The following NADK variants were observed in gnomAD, a reference collection of about 807,000 sequenced individuals.
NADK encodes NAD kinase, also known as poly(P)/ATP NAD kinase.
Under a neutral mutation model 49.8 loss-of-function variants are expected in NADK, and 22 were observed. The ratio of observed to expected loss-of-function variants is 0.44; its 90% CI spans 0.32 to 0.63. The LOEUF is 0.63. Ranked by LOEUF, NADK falls within the 30% of genes least tolerant of loss-of-function variation. NADK has a pLI of 0.06. For missense variants in NADK, 438 were observed against 609.4 expected (o/e 0.72, Z 2.96); for synonymous variants, 268 against 253.7 (o/e 1.06, Z -0.54).
chr1:1,757,183 C>T lies in NADK; in HGVS notation c.391G>A (p.Glu131Lys), dbSNP rs1378142023. The T allele has an allele frequency of 1.2e-6, 2 of 1,609,574 alleles. No individual in the cohort carries two copies. Among genetic ancestry groups the T allele is most frequent in the Non-Finnish European group, 8.5e-7 (1 of 1,177,484 alleles). Reference protein sequence around the residue: ...PFKELCTHLMEENMIVYVEKK... With the variant: ...PFKELCTHLMKENMIVYVEKK... ...CCCTTCCCCCCTGCCCCGCGTGCCT[C>T]CATGAGGTGCGTGCAGAGCTCCTTG... Residue 131 changes from glutamate to lysine, a missense_variant and splice_region_variant, in exon 4 of 12, where the codon GAG becomes AAG. Glu to Lys is a moderately conservative substitution (Grantham distance 56, BLOSUM62 1). Transcript: ENST00000341426.
chr1:1,757,148 A>ACACCCCC, intron 4 of NADK, 33 bp downstream of exon 4: 1 of 859,202 alleles, frequency 1.2e-6, no homozygotes, highest in Admixed American at 2.3e-5. Context: ...CTCCATGTGC[A>ACACCCCC]CCCCAGGCCC....
At chr1:1,759,533 C>T (rs1362875334) in intron 3 of NADK, among the ~76,000 whole-genome samples, 1 of 152,254 alleles carries the variant, frequency 6.6e-6, no homozygotes, top group Non-Finnish European at 1.5e-5. Flanking sequence ...CGGGTGCCCT[C>T]CTCACCAGGC....
At chr1:1,771,760 G>A (rs1646057803) in intron 1 of NADK, among the ~76,000 whole-genome samples, 1 of 152,082 alleles carries the variant, frequency 6.6e-6, no homozygotes. Context: ...ACCTAAATGT[G>A]AGGACTAAAA....
At position 1,778,352 on chromosome 1, in the gene NADK, G is replaced by C. The variant is rs1021203194; in HGVS notation, c.-104C>G. 9 of 150,762 alleles carry C rather than the reference G, an allele frequency of 6.0e-5. No homozygotes were observed. Among genetic ancestry groups the C allele is most frequent in the East Asian group, 1.9e-4 (1 of 5,134 alleles). 9.3% of individuals were successfully genotyped at this position (150,762 alleles called of 1,614,324 possible). ...CCGGACCGAGCCCGCAGGCCCCGCC[G>C]CCGCGCCGCCGCCAGCCGTCGCTAC... On this transcript the variant is annotated 5_prime_UTR_variant, in exon 1 of 12. Transcript: ENST00000341426. This position sits in a 1 kb window ranked among gnomAD's most constrained non-coding sequence, Gnocchi z 4.9.
At chr1:1,756,215 T>C (rs1267171180) in intron 6 of NADK, 43 bp downstream of exon 6, 1 of 1,556,828 alleles carries the variant, frequency 6.4e-7, no homozygotes, top group Admixed American at 1.7e-5. Flanking sequence ...ACGCAGCACC[T>C]AGACTAGAAC....
At chr1:1,762,179 G>C (rs933842388) in intron 2 of NADK, 144 bp from the exon 3 acceptor site, 1 of 710,844 alleles carries the variant, frequency 1.4e-6, no homozygotes, top group Non-Finnish European at 2.4e-6. Context: ...CCACACAATA[G>C]CCCTTGGAAG....
At chr1:1,766,394 G>T (rs535809662) in intron 1 of NADK, among the ~76,000 whole-genome samples, 3 of 25,622 alleles carry the variant, frequency 1.2e-4, no homozygotes, top group Non-Finnish European at 2.7e-4. Flanking sequence ...CAACAAGAAC[G>T]AAAGAAACTC....
intron 2 of NADK, among the ~76,000 whole-genome samples, chr1:1,762,966 G>A (rs1645774054): frequency 6.6e-6 from 1 of 152,204 alleles, no homozygotes; most frequent in African/African-American, 2.4e-5. Context: ...CGTCCTAGGT[G>A]CCCGGGAGCC....
chr1:1,772,761 C>T (rs951349970), intron 1 of NADK, among the ~76,000 whole-genome samples: 1 of 146,216 alleles, frequency 6.8e-6, no homozygotes, highest in Non-Finnish European at 1.5e-5. Flanking sequence ...ACACAAGGGC[C>T]GGGCATGGTG....
intron 3 of NADK, chr1:1,759,296 C>T (rs933597997): frequency 1.1e-4 from 159 of 1,495,322 alleles, no homozygotes; most frequent in Middle Eastern, 7.2e-4. Context: ...GGGTACTGCA[C>T]GGAGAGGGCA....
chr1:1,774,594 C>A (rs1444110546), intron 1 of NADK, among the ~76,000 whole-genome samples: 1 of 151,904 alleles, frequency 6.6e-6, no homozygotes, highest in Non-Finnish European at 1.5e-5. Context: ...GGATTACGGG[C>A]GTGGCCACTG....
rs1645857580 is a variant in NADK at position 1,765,458 on chromosome 1, AAAAT to A, written c.-40-16_-40-13del. On this transcript the variant is annotated splice_polypyrimidine_tract_variant and intron_variant, in intron 1 of 11. Coordinates refer to ENST00000341426, the MANE Select transcript of NADK (RefSeq NM_023018.5). ...AAAAACACTGATGCCTTAATTTAATAAAATAAATAATGTAAATAAAGTAAATAAA... is the reference window on the plus strand; with the variant it reads ...AAAAACACTGATGCCTTAATTTAATAAAATAATGTAAATAAAGTAAATAAA... 4.2e-6 allele frequency: 5 copies of A among 1,200,170 alleles called. No individual in the cohort carries two copies. In the East Asian group the frequency reaches 1.4e-4, roughly 33 times the overall value. 74.3% of individuals were successfully genotyped at this position (1,200,170 alleles called of 1,614,324 possible).
chr1:1,772,731 T>C (rs1486707936), intron 1 of NADK, among the ~76,000 whole-genome samples: 2 of 150,158 alleles, frequency 1.3e-5, no homozygotes, highest in East Asian at 4.0e-4. Flanking sequence ...TATGGAGGTG[T>C]ATGGAGGTGT....
chr1:1,779,955 G>A (rs1045035106), upstream of NADK: 1 of 152,266 alleles, frequency 6.6e-6, no homozygotes. Flanking sequence ...CACGGAACAC[G>A]GCCTGGCCAA....
upstream of NADK, chr1:1,780,375 C>T (rs369682801): frequency 5.9e-5 from 9 of 152,340 alleles, no homozygotes; most frequent in African/African-American, 2.2e-4. Context: ...CTGTCGTGGG[C>T]CCCAGGTCAC....
chr1:1,753,525 G>A, intron 11 of NADK, 42 bp downstream of exon 11: 1 of 1,562,112 alleles, frequency 6.4e-7, no homozygotes, highest in East Asian at 2.3e-5. Context: ...GGCCCGGGGA[G>A]GAGGTTGGCA....
At chr1:1,756,794 G>A (rs1195427558) in intron 4 of NADK, 186 bp from the exon 5 acceptor site, 3 of 1,030,068 alleles carry the variant, frequency 2.9e-6, no homozygotes, top group South Asian at 1.3e-5. Flanking sequence ...AGAGATGACT[G>A]GGCGGAGGGG....
At chr1:1,756,831 T>C in intron 4 of NADK, 1 of 881,672 alleles carries the variant, frequency 1.1e-6, no homozygotes, top group Non-Finnish European at 1.9e-6. Context: ...TGACTAAGGC[T>C]GTTATTTCAG....
chr1:1,767,200 A>G (rs1645915674), intron 1 of NADK, among the ~76,000 whole-genome samples: 1 of 152,076 alleles, frequency 6.6e-6, no homozygotes, highest in Admixed American at 6.6e-5. Flanking sequence ...TACAGGCGTA[A>G]GCCACCACGC....
Sources: gnomAD v4.1 joint callset for allele counts (sites outside exome capture counted in the v4.1 genomes callset) on GRCh38, gnomAD v4.1.1 for gene constraint, Gnocchi (gnomAD v3.1) non-coding constraint, MANE v1.5 for transcripts, NCBI Gene and HGNC (gene_info 2026-07-23, HGNC 2026-07-21) for gene names.